Variants in NDC1 observed in about 807,000 individuals in gnomAD.
NDC1 encodes the protein nucleoporin NDC1.
NDC1 carries 24 observed loss-of-function variants against 89.8 expected under a neutral mutation model. The observed-to-expected ratio is 0.27, with a 90% confidence interval of 0.19 to 0.38. NDC1 has a LOEUF of 0.38. Among genes scored for constraint, NDC1 ranks in the 10% least tolerant of loss-of-function variants. The pLI is 1.00. For synonymous variants in NDC1, 296 were observed against 284.8 expected (o/e 1.04, Z -0.39); for missense variants, 728 against 797.6 (o/e 0.91, Z 1.05).
At chr1:53,826,629 A>T (rs1331589950) in intron 4 of NDC1, among the ~76,000 whole-genome samples, 2 of 152,168 alleles carry the variant, frequency 1.3e-5, no homozygotes. Context: ...TAAGCATAAG[A>T]TCTATTTGGT....
At position 53,787,278 on chromosome 1, in the gene NDC1, AG is replaced by A; in HGVS notation, c.1700-21del. Reference sequence around the variant, plus strand: ...ACAGACCTCAAGGGAAAAAAAAAAAAGGTTAAAAGTCAATCAAAATTAGGCA... The same window carrying A: ...ACAGACCTCAAGGGAAAAAAAAAAAAGTTAAAAGTCAATCAAAATTAGGCA... On this transcript the variant is annotated intron_variant, in intron 15 of 17. Coordinates refer to ENST00000371429, the MANE Select transcript of NDC1 (RefSeq NM_018087.5). 2.9e-6 allele frequency: 4 copies of A among 1,360,798 alleles called. No individual in the cohort carries two copies. Among genetic ancestry groups the A allele is most frequent in the Non-Finnish European group, 4.1e-6 (4 of 970,450 alleles). 84.3% of individuals were successfully genotyped at this position (1,360,798 alleles called of 1,614,324 possible). A position where few individuals can be genotyped will look rare whatever the true frequency, so the allele number is the denominator to read the frequency against.
intron 5 of NDC1, among the ~76,000 whole-genome samples, chr1:53,822,463 G>A (rs1194437905): frequency 2.0e-5 from 3 of 151,934 alleles, no homozygotes; most frequent in Non-Finnish European, 4.4e-5. Context: ...ACATGTAAAT[G>A]TACACTAAAC....
At chr1:53,820,711 T>C (rs1648643025) in intron 5 of NDC1, among the ~76,000 whole-genome samples, 1 of 140,848 alleles carries the variant, frequency 7.1e-6, no homozygotes, top group Non-Finnish European at 1.5e-5. Context: ...CTTTTTTTTT[T>C]TTTTTTTTTT....
chr1:53,813,389 C>T (rs747187938), intron 6 of NDC1, among the ~76,000 whole-genome samples: 7 of 152,080 alleles, frequency 4.6e-5, no homozygotes, highest in Non-Finnish European at 1.0e-4. Context: ...GGAGACTCAC[C>T]TAACACACAA....
At chr1:53,782,812 T>A (rs971018853) in intron 16 of NDC1, among the ~76,000 whole-genome samples, 1 of 152,232 alleles carries the variant, frequency 6.6e-6, no homozygotes, top group African/African-American at 2.4e-5. Context: ...CATATCCCAA[T>A]ACGATTGTTA....
At chr1:53,811,671 C>T (rs980805434) in intron 6 of NDC1, among the ~76,000 whole-genome samples, 3 of 150,900 alleles carry the variant, frequency 2.0e-5, no homozygotes, top group Non-Finnish European at 4.4e-5. Context: ...CCTGATGGTC[C>T]TTCCCTACCT....
At chr1:53,788,447 A>T (rs759923754) in intron 15 of NDC1, among the ~76,000 whole-genome samples, 9 of 151,204 alleles carry the variant, frequency 6.0e-5, no homozygotes, top group Non-Finnish European at 8.8e-5. Context: ...TTTTTTTGAG[A>T]TGGAGTTGCG....
Position 53,767,853 on chromosome 1 carries a change from C to T in NDC1, c.*117G>A. The T allele has an allele frequency of 2.0e-6, 1 of 498,546 alleles. No individual in the cohort carries two copies. The highest frequency in any genetic ancestry group is 3.5e-6 in the Non-Finnish European group (1 of 288,268). The allele number at this position is 498,546 out of a possible 1,614,324, so 30.9% of individuals were successfully genotyped here. ...TAAAGTATAGTTTTCAAAGCAACCA[C>T]CACGACAAAGGAAGCATCTAATTAG... On this transcript the variant is annotated 3_prime_UTR_variant, in exon 18 of 18. Coordinates refer to ENST00000371429, the MANE Select transcript of NDC1 (RefSeq NM_018087.5).
intron 5 of NDC1, among the ~76,000 whole-genome samples, chr1:53,824,906 G>A (rs1483621811): frequency 1.3e-5 from 2 of 152,188 alleles, no homozygotes; most frequent in African/African-American, 4.8e-5. Flanking sequence ...ATCCACGATG[G>A]CTCACACCTG....
intron 5 of NDC1, among the ~76,000 whole-genome samples, chr1:53,822,104 T>C (rs1648687925): frequency 6.6e-6 from 1 of 152,150 alleles, no homozygotes; most frequent in Non-Finnish European, 1.5e-5. Flanking sequence ...TGTAGGCAAG[T>C]TTAAAGAAAA....
intron 3 of NDC1, among the ~76,000 whole-genome samples, chr1:53,831,981 G>C (rs1242644554): frequency 1.3e-5 from 2 of 151,732 alleles, no homozygotes; most frequent in East Asian, 3.9e-4. Flanking sequence ...TAATGTATCT[G>C]CTAAATCACA....
chr1:53,821,729 C>T (rs1024135962), intron 5 of NDC1, among the ~76,000 whole-genome samples: 4 of 152,200 alleles, frequency 2.6e-5, no homozygotes, highest in Non-Finnish European at 5.9e-5. Context: ...ACACCATTTC[C>T]CCCACCTCTT....
chr1:53,810,630 C>T (rs1025592143), intron 6 of NDC1, among the ~76,000 whole-genome samples: 4 of 152,158 alleles, frequency 2.6e-5, no homozygotes, highest in South Asian at 2.1e-4. Context: ...TGAGGCTGAG[C>T]GTGATGGCTC....
chr1:53,802,140 T>C (rs1647942590), intron 10 of NDC1, among the ~76,000 whole-genome samples: 1 of 152,164 alleles, frequency 6.6e-6, no homozygotes, highest in South Asian at 2.1e-4. Flanking sequence ...ATTTAGAGTA[T>C]AGAATTCCTA....
chr1:53,827,849 A>G, intron 4 of NDC1, 150 bp downstream of exon 4: 1 of 552,734 alleles, frequency 1.8e-6, no homozygotes, highest in Non-Finnish European at 3.0e-6. Flanking sequence ...AAATCAATAA[A>G]CACAAAATAT....
rs371916488 is a variant in NDC1 at position 53,822,326 on chromosome 1, C to T, written c.595-3247G>A. Among the ~76,000 whole-genome samples, 4 of 152,134 alleles carry T rather than the reference C, an allele frequency of 2.6e-5. No individual in the cohort carries two copies. The East Asian group carries it at 5.8e-4, about 22-fold the overall frequency. On this transcript the variant is annotated intron_variant, in intron 5 of 17. Coordinates refer to ENST00000371429, the MANE Select transcript of NDC1 (RefSeq NM_018087.5). ...TCCGGCCTGGGCGACAAGAGCAAAA[C>T]TCCGTCTCAAAAAAAAGCCTCAAAT...
At chr1:53,775,046 T>A (rs1403487380) in intron 16 of NDC1, among the ~76,000 whole-genome samples, 1 of 152,230 alleles carries the variant, frequency 6.6e-6, no homozygotes, top group African/African-American at 2.4e-5. Flanking sequence ...CCAGCTATTA[T>A]GCATAAATCT....
At chr1:53,828,595 ATTTATTTTAT>A (rs201396911) in intron 3 of NDC1, among the ~76,000 whole-genome samples, 18 of 150,892 alleles carry the variant, frequency 1.2e-4, no homozygotes, top group African/African-American at 3.2e-4. Flanking sequence ...TTATTTATTT[ATTTATTTTAT>A]TTTATTTTAT....
chr1:53,797,217 T>A, intron 11 of NDC1, 73 bp from the exon 12 acceptor site: 1 of 1,469,122 alleles, frequency 6.8e-7, no homozygotes, highest in Non-Finnish European at 9.2e-7. Context: ...TTTCAAATTC[T>A]ACACATACCA....
Sources: gnomAD v4.1 joint callset for allele counts (sites outside exome capture counted in the v4.1 genomes callset) on GRCh38, gnomAD v4.1.1 for gene constraint, MANE v1.5 for transcripts, NCBI Gene and HGNC (gene_info 2026-07-23, HGNC 2026-07-21) for gene names.